Variants in MPIG6B observed in about 807,000 individuals in gnomAD.
The protein encoded by MPIG6B is megakaryocyte and platelet inhibitory receptor G6b.
In MPIG6B, 22 loss-of-function variants were observed where a neutral mutation model predicts 24.2. The ratio of observed to expected loss-of-function variants is 0.91; its 90% CI spans 0.65 to 1.30. The LOEUF is 1.30. Among genes scored for constraint, MPIG6B ranks in the 50% most tolerant of loss-of-function variants. The pLI is 0.00. For synonymous variants in MPIG6B, 136 were observed against 142.0 expected (o/e 0.96, Z 0.30); for missense variants, 301 against 318.5 (o/e 0.94, Z 0.42).
At position 31,723,459 on chromosome 6, in the gene MPIG6B, G is replaced by A; in HGVS notation, c.61+15G>A. ...GAACCCTGGGGGTAAGCGATCCCTG[G>A]GAGAGTTGTGATAGACGCAGAGGGG... On this transcript the variant is annotated intron_variant, in intron 1 of 5. Coordinates refer to ENST00000649779, the MANE Select transcript of MPIG6B (RefSeq NM_138272.3). This position sits in a 1 kb window ranked among gnomAD's most constrained non-coding sequence, Gnocchi z 4.3. 2.5e-6 allele frequency: 4 copies of A among 1,610,842 alleles called. No homozygotes were observed. The highest frequency in any genetic ancestry group is 3.4e-6 in the Non-Finnish European group (4 of 1,177,900).
At position 31,723,901 on chromosome 6, in the gene MPIG6B, C is replaced by A. The variant is rs1060505057; in HGVS notation, c.324C>A (p.Cys108Ter). 1.9e-6 allele frequency: 3 copies of A among 1,602,844 alleles called. No individual in the cohort carries two copies. The highest frequency in any genetic ancestry group is 2.6e-6 in the Non-Finnish European group (3 of 1,174,434). Residue 108 changes from cysteine to a stop codon, truncating the protein, a stop_gained, in exon 2 of 6, where the codon TGC becomes TGA. Coordinates refer to ENST00000649779, the MANE Select transcript of MPIG6B (RefSeq NM_138272.3). LOFTEE classifies it high-confidence loss of function. The surrounding 1 kb of genome is among the most constrained non-coding windows in gnomAD (Gnocchi z 4.3). The part of the protein sequence containing the change: ...LSAGDSGTFF[C>*]KGRHEDESRT... ...CGGGGGACTCGGGCACTTTTTTCTGCAAGGGCCGCCACGAGGACGAGAGCC... is the reference window on the plus strand; with the variant it reads ...CGGGGGACTCGGGCACTTTTTTCTGAAAGGGCCGCCACGAGGACGAGAGCC...
rs1388250530 is a variant in MPIG6B at position 31,725,308 on chromosome 6, A to G, written c.*234A>G. ...CTCCCTCACCACCAGTGTCCTCTCTATACCCAATCAAGCCCTAGCTCCTTT... is the reference window on the plus strand; with the variant it reads ...CTCCCTCACCACCAGTGTCCTCTCTGTACCCAATCAAGCCCTAGCTCCTTT... On this transcript the variant is annotated 3_prime_UTR_variant, in exon 6 of 6. Transcript: ENST00000649779. The surrounding 1 kb of genome is among the most constrained non-coding windows in gnomAD (Gnocchi z 5.2). 2 of 515,592 alleles carry G rather than the reference A, an allele frequency of 3.9e-6. No homozygotes were observed. Among genetic ancestry groups the G allele is most frequent in the South Asian group, 2.9e-5 (1 of 34,428 alleles). 31.9% of individuals were successfully genotyped at this position (515,592 alleles called of 1,614,324 possible). A position where few individuals can be genotyped will look rare whatever the true frequency, so the allele number is the denominator to read the frequency against.
Position 31,723,653 on chromosome 6 carries a change from C to A in MPIG6B, c.76C>A (p.Arg26Ser), listed in dbSNP as rs745560918. The change falls in exon 2 of 6, where the codon CGC (arginine) becomes AGC (serine). Residue 26 changes from arginine to serine, a missense_variant. Arg to Ser is a moderately radical substitution (Grantham distance 110, BLOSUM62 -1). Transcript: ENST00000649779. This position sits in a 1 kb window ranked among gnomAD's most constrained non-coding sequence, Gnocchi z 4.3. ...GCCTCTCCTAGCTTCTCTGGACGGC[C>A]GCCCTGGGGACCGGGTGAATCTCTC... ...QGNPGASLDG[R>S]PGDRVNLSCG... 3.4e-5 allele frequency: 53 copies of A among 1,572,138 alleles called. No homozygotes were observed. Among genetic ancestry groups the A allele is most frequent in the Non-Finnish European group, 4.2e-5 (49 of 1,160,222 alleles).
chr6:31,723,252 T>G (rs1317985842), upstream of MPIG6B: 5 of 730,200 alleles, frequency 6.8e-6, no homozygotes, highest in African/African-American at 7.0e-5. The surrounding 1 kb of genome is among the most constrained non-coding windows in gnomAD (Gnocchi z 4.3). Context: ...GGGCAGCTGG[T>G]GGCCCCGCCC....
upstream of MPIG6B, chr6:31,721,542 T>C (rs909095708): frequency 1.0e-5 from 13 of 1,265,534 alleles, no homozygotes; most frequent in African/African-American, 3.0e-5. Context: ...GGATCCCGAG[T>C]GGTGGGTAGG....
rs750175732 is a variant in MPIG6B at position 31,725,000 on chromosome 6, G to A, written c.652G>A (p.Ala218Thr). The change falls in exon 6 of 6, where the codon GCC becomes ACC. Residue 218 changes from alanine (A) to threonine (T), a missense_variant. Physicochemically the swap from Ala to Thr is moderately conservative, Grantham distance 58 (BLOSUM62 0). Transcript: ENST00000649779. The part of the protein sequence containing the change: ...SLLYADLDHL[A>T]LSRPRRLSTA... ...GCTCTATGCGGATCTGGACCATCTA[G>A]CCCTCAGCAGGCCCCGCCGGCTGTC... 1.1e-5 allele frequency: 17 copies of A among 1,613,762 alleles called. No homozygotes were observed. In the South Asian group the frequency reaches 1.8e-4, roughly 17 times the overall value.
chr6:31,724,632 G>A lies in MPIG6B; in HGVS notation c.541+5G>A. On this transcript the variant is annotated splice_donor_5th_base_variant and intron_variant, in intron 4 of 5. Coordinates refer to ENST00000649779, the MANE Select transcript of MPIG6B (RefSeq NM_138272.3). Reference sequence around the variant, plus strand: ...TTCGACCACTCCCTAGATTTGGTGAGACTAATTCCACCCCATTTTCTTTCT... The same window carrying A: ...TTCGACCACTCCCTAGATTTGGTGAAACTAATTCCACCCCATTTTCTTTCT... 2 of 1,613,444 alleles carry A rather than the reference G, an allele frequency of 1.2e-6. No individual in the cohort carries two copies. The highest frequency in any genetic ancestry group is 1.7e-6 in the Non-Finnish European group (2 of 1,179,378).
rs1280093265 is a variant in MPIG6B, at chr6:31,724,207, T to C, written c.475T>C (p.Leu159=). Residue 159 remains leucine (L), a synonymous_variant, in exon 3 of 6, where the codon TTG becomes CTG. Coordinates refer to ENST00000649779, the MANE Select transcript of MPIG6B (RefSeq NM_138272.3). ...TGGGTTGGTGCTCGGACTGGGAGCT[T>C]TGGGCCTGGTCTGGTGGCTGCACAG... is the stretch of plus-strand genomic sequence containing the variant. The part of the protein sequence containing the change: ...GAGLVLGLGA[L]GLVWWLHRRL... The C allele has an allele frequency of 6.2e-7, 1 of 1,613,096 alleles. No individual in the cohort carries two copies. Among genetic ancestry groups the C allele is most frequent in the South Asian group, 1.1e-5 (1 of 90,958 alleles).
In MPIG6B at chr6:31,724,164, G is replaced by A; in HGVS notation, c.432G>A (p.Leu144=). The change falls in exon 3 of 6, where the codon CTG becomes CTA. Residue 144 remains leucine (L), a synonymous_variant. Coordinates refer to ENST00000649779, the MANE Select transcript of MPIG6B (RefSeq NM_138272.3). ...PTHGSVYPQL[L]IPLLGAGLVL... ...CAGGGTCCGTGTATCCCCAGCTCCT[G>A]ATCCCGCTGCTGGGCGCTGGGTTGG... is the stretch of plus-strand genomic sequence containing the variant. 1 of 1,613,178 alleles carries A rather than the reference G, an allele frequency of 6.2e-7. No homozygotes were observed. Among genetic ancestry groups the A allele is most frequent in the Non-Finnish European group, 8.5e-7 (1 of 1,179,896 alleles).
upstream of MPIG6B, chr6:31,720,939 C>A (rs1328931259): frequency 6.6e-6 from 1 of 152,280 alleles, no homozygotes; most frequent in Non-Finnish European, 1.5e-5. This position sits in a 1 kb window ranked among gnomAD's most constrained non-coding sequence, Gnocchi z 4.9. Flanking sequence ...GGTGGAAGAG[C>A]CTGGTAAGTG....
Position 31,723,908 on chromosome 6 carries a change from C to A in MPIG6B, c.331C>A (p.Arg111Ser). Residue 111 changes from arginine to serine, a missense_variant, in exon 2 of 6, where the codon CGC (arginine) becomes AGC (serine). Transcript: ENST00000649779. The surrounding 1 kb of genome is among the most constrained non-coding windows in gnomAD (Gnocchi z 4.3). ...CTCGGGCACTTTTTTCTGCAAGGGC[C>A]GCCACGAGGACGAGAGCCGTACAGT... ...GDSGTFFCKG[R>S]HEDESRTVLH... is the part of the protein sequence containing the mutation. The A allele has an allele frequency of 6.2e-7, 1 of 1,600,736 alleles. No individual in the cohort carries two copies. The highest frequency in any genetic ancestry group is 8.5e-7 in the Non-Finnish European group (1 of 1,173,216).
Position 31,723,915 on chromosome 6 carries a change from AG to A in MPIG6B, c.340del (p.Asp114ThrfsTer31). 1.9e-6 allele frequency: 3 copies of A among 1,596,794 alleles called. No individual in the cohort carries two copies. Among genetic ancestry groups the A allele is most frequent in the Non-Finnish European group, 2.6e-6 (3 of 1,171,282 alleles). On this transcript the variant is annotated frameshift_variant, in exon 2 of 6. Coordinates refer to ENST00000649779, the MANE Select transcript of MPIG6B (RefSeq NM_138272.3). LOFTEE classifies it high-confidence loss of function. This position sits in a 1 kb window ranked among gnomAD's most constrained non-coding sequence, Gnocchi z 4.3. The part of the protein sequence containing the change: ...SGTFFCKGRH[E>X]DESRTVLHVL... ...ACTTTTTTCTGCAAGGGCCGCCACG[AG>A]GACGAGAGCCGTACAGTGCTTCACG...
At chr6:31,720,307 G>A, upstream of MPIG6B, 1 of 752,746 alleles carries the variant, frequency 1.3e-6, no homozygotes, top group Non-Finnish European at 2.3e-6. This position sits in a 1 kb window ranked among gnomAD's most constrained non-coding sequence, Gnocchi z 4.9. Flanking sequence ...CCATCCCGTA[G>A]GTGCTCCAAC....
At chr6:31,723,292 C>T (rs1276257408), upstream of MPIG6B, 9 of 1,040,748 alleles carry the variant, frequency 8.6e-6, no homozygotes, top group African/African-American at 3.2e-5. The surrounding 1 kb of genome is among the most constrained non-coding windows in gnomAD (Gnocchi z 4.3). Context: ...CCAGCCCCTC[C>T]GTTCTCCCCA....
rs1456821454 is a variant in MPIG6B, at chr6:31,724,005, G to A, written c.409+19G>A. The A allele has an allele frequency of 6.4e-7, 1 of 1,559,030 alleles. No homozygotes were observed. Among genetic ancestry groups the A allele is most frequent in the Non-Finnish European group, 8.7e-7 (1 of 1,148,774 alleles). On this transcript the variant is annotated intron_variant, in intron 2 of 5. Coordinates refer to ENST00000649779, the MANE Select transcript of MPIG6B (RefSeq NM_138272.3). ...ACCCATGGTAGGTGCAGGCCTGTGC[G>A]CACAAGGGTACTTAACTCCGACACA...
upstream of MPIG6B, among the ~76,000 whole-genome samples, chr6:31,722,845 C>CAAAAA (rs9281563): frequency 2.3e-4 from 17 of 74,438 alleles, no homozygotes; most frequent in African/African-American, 4.1e-4. Flanking sequence ...GACTCTGACT[C>CAAAAA]AAAAAAAAAA....
In MPIG6B at chr6:31,723,603, G is replaced by T; in HGVS notation, c.62-36G>T. 1 of 1,506,078 alleles carries T rather than the reference G, an allele frequency of 6.6e-7. No homozygotes were observed. The allele number at this position is 1,506,078 out of a possible 1,614,324, so 93.3% of individuals were successfully genotyped here. A position where few individuals can be genotyped will look rare whatever the true frequency, so the allele number is the denominator to read the frequency against. ...GGGATGGAGGGTCGTCTTGCCCTGT[G>T]GACGTGCCCTAACCACAGCCTCCGG... On this transcript the variant is annotated intron_variant, in intron 1 of 5. Coordinates refer to ENST00000649779, the MANE Select transcript of MPIG6B (RefSeq NM_138272.3). This position sits in a 1 kb window ranked among gnomAD's most constrained non-coding sequence, Gnocchi z 4.3.
upstream of MPIG6B, chr6:31,723,321 TC>T (rs879692929): frequency 6.4e-4 from 827 of 1,295,348 alleles, no homozygotes; most frequent in Non-Finnish European, 8.0e-4. The surrounding 1 kb of genome is among the most constrained non-coding windows in gnomAD (Gnocchi z 4.3). Flanking sequence ...TTCCCTCCGG[TC>T]CCCCCCCAAC....
rs374895705 is a variant in MPIG6B, at chr6:31,724,756, C to T, written c.542-9C>T. On this transcript the variant is annotated splice_polypyrimidine_tract_variant and intron_variant, in intron 4 of 5. Transcript: ENST00000649779. ...CTCTCCATCCTTCAGCTCTGTCCCC[C>T]CCACATAGCTCCACTTGTGAAAACC... is the stretch of plus-strand genomic sequence containing the variant. 1.5e-5 allele frequency: 25 copies of T among 1,613,954 alleles called. No individual in the cohort carries two copies. Among genetic ancestry groups the T allele is most frequent in the Admixed American group, 5.0e-5 (3 of 60,004 alleles).
Sources: allele counts gnomAD v4.1 joint callset (sites outside exome capture counted in the v4.1 genomes callset), GRCh38; gene constraint gnomAD v4.1.1; non-coding constraint Gnocchi (gnomAD v3.1); transcripts MANE v1.5; gene names NCBI Gene and HGNC (gene_info 2026-07-23, HGNC 2026-07-21).